Variants in LCK observed in about 807,000 individuals in gnomAD.
The protein encoded by LCK is LCK proto-oncogene, Src family tyrosine kinase.
Under a neutral mutation model 64.6 loss-of-function variants are expected in LCK, and 14 were observed. That is an observed-to-expected ratio of 0.22 (90% CI 0.14 to 0.34). LCK has a LOEUF of 0.34. Among genes scored for constraint, LCK ranks in the 10% least tolerant of loss-of-function variants. LCK has a pLI of 1.00. For synonymous variants in LCK, 277 were observed against 263.6 expected (o/e 1.05, Z -0.49); for missense variants, 434 against 668.1 (o/e 0.65, Z 3.86).
chr1:32,269,913 G>T (rs1640031546), intron 1 of LCK, among the ~76,000 whole-genome samples: 1 of 152,184 alleles, frequency 6.6e-6, no homozygotes, highest in South Asian at 2.1e-4. Flanking sequence ...AGAAATGGAT[G>T]AAGAGCCCCA....
At chr1:32,263,157 G>T (rs951394954) in intron 1 of LCK, among the ~76,000 whole-genome samples, 4 of 151,670 alleles carry the variant, frequency 2.6e-5, no homozygotes, top group African/African-American at 9.7e-5. Context: ...TTTGGGAAGC[G>T]GAGGTGGGCA....
chr1:32,275,520 G>A lies in LCK; in HGVS notation c.378-49G>A. Reference sequence around the variant, plus strand: ...CGGTGAAGGCTTGAGGGCCACGGAGGAAGATCCGACGACAGCCGACGGCCT... The same window carrying A: ...CGGTGAAGGCTTGAGGGCCACGGAGAAAGATCCGACGACAGCCGACGGCCT... On this transcript the variant is annotated intron_variant, in intron 5 of 12. Coordinates refer to ENST00000336890, the MANE Select transcript of LCK (RefSeq NM_005356.5). The surrounding 1 kb of genome is among the most constrained non-coding windows in gnomAD (Gnocchi z 6.9). 1 of 1,554,994 alleles carries A rather than the reference G, an allele frequency of 6.4e-7. No individual in the cohort carries two copies. The highest frequency in any genetic ancestry group is 8.7e-7 in the Non-Finnish European group (1 of 1,143,020).
chr1:32,256,097 G>A (rs769461571), intron 1 of LCK, among the ~76,000 whole-genome samples: 13 of 151,644 alleles, frequency 8.6e-5, no homozygotes, highest in South Asian at 2.1e-4. Flanking sequence ...GCAACACCCC[G>A]TCTCTATTAA....
intron 1 of LCK, among the ~76,000 whole-genome samples, chr1:32,272,428 A>G (rs1038483863): frequency 2.6e-5 from 4 of 152,122 alleles, no homozygotes; most frequent in Admixed American, 6.6e-5. Flanking sequence ...ATCTCTACAA[A>G]AAAATAATCA....
Position 32,275,487 on chromosome 1 carries a change from T to C in LCK, c.377+68T>C. 6.3e-7 allele frequency: 1 copy of C among 1,577,592 alleles called. No homozygotes were observed. The highest frequency in any genetic ancestry group is 1.1e-5 in the South Asian group (1 of 88,750). The stretch of plus-strand genomic sequence containing the variant: ...GGGATCCTGGAGCAGGGAGTAGGCC[T>C]GGGGTGGCGGTGAAGGCTTGAGGGC... On this transcript the variant is annotated intron_variant, in intron 5 of 12. Coordinates refer to ENST00000336890, the MANE Select transcript of LCK (RefSeq NM_005356.5). The surrounding 1 kb of genome is among the most constrained non-coding windows in gnomAD (Gnocchi z 6.9).
At chr1:32,258,002 G>A (rs1449870252) in intron 1 of LCK, among the ~76,000 whole-genome samples, 1 of 151,724 alleles carries the variant, frequency 6.6e-6, no homozygotes, top group Non-Finnish European at 1.5e-5. Context: ...AAGGTATTAA[G>A]CCAGGTGTGG....
intron 12 of LCK, among the ~76,000 whole-genome samples, chr1:32,283,215 G>A (rs1460355782): frequency 1.3e-5 from 2 of 151,312 alleles, no homozygotes; most frequent in Non-Finnish European, 2.9e-5. Context: ...TTTGAACCTG[G>A]GAGGCGGAGG....
At chr1:32,266,458 C>T (rs1341896807) in intron 1 of LCK, among the ~76,000 whole-genome samples, 6 of 146,628 alleles carry the variant, frequency 4.1e-5, no homozygotes, top group South Asian at 2.2e-4. Context: ...GTCGTGATCA[C>T]GCCACTGCAC....
At chr1:32,253,376 CCCGGG>C (rs1639554293) in intron 1 of LCK, among the ~76,000 whole-genome samples, 1 of 152,140 alleles carries the variant, frequency 6.6e-6, no homozygotes, top group South Asian at 2.1e-4. Context: ...AAAAATGCCT[CCCGGG>C]TTCAAGTGAT....
In LCK at chr1:32,279,821, G is replaced by C; in HGVS notation, c.1042-20G>C. Reference sequence around the variant, plus strand: ...TGAAGACATCTGGCTCAGGACCGCTGATCTGTGTTTGGCCTGCAGATTGCA... The same window carrying C: ...TGAAGACATCTGGCTCAGGACCGCTCATCTGTGTTTGGCCTGCAGATTGCA... On this transcript the variant is annotated intron_variant, in intron 10 of 12. Transcript: ENST00000336890. 6.2e-7 allele frequency: 1 copy of C among 1,613,886 alleles called. No homozygotes were observed. The highest frequency in any genetic ancestry group is 8.5e-7 in the Non-Finnish European group (1 of 1,179,772).
intron 1 of LCK, among the ~76,000 whole-genome samples, chr1:32,266,727 T>C (rs1455509877): frequency 1.7e-4 from 2 of 11,982 alleles, no homozygotes; most frequent in Non-Finnish European, 2.7e-4. Flanking sequence ...CCCCTCCCCT[T>C]CCCCCTCCTC....
At chr1:32,273,170 G>A (rs955124239) in intron 1 of LCK, among the ~76,000 whole-genome samples, 5 of 121,600 alleles carry the variant, frequency 4.1e-5, no homozygotes, top group African/African-American at 1.5e-4. Context: ...TGTGTGGGGG[G>A]GCACTTGTGG....
intron 12 of LCK, among the ~76,000 whole-genome samples, chr1:32,280,829 C>A (rs1408963484): frequency 1.3e-5 from 2 of 152,198 alleles, no homozygotes; most frequent in Non-Finnish European, 2.9e-5. Context: ...AAGAGGCCTA[C>A]CTTTTATCAG....
At chr1:32,256,278 T>C (rs1278603863) in intron 1 of LCK, among the ~76,000 whole-genome samples, 6 of 151,802 alleles carry the variant, frequency 4.0e-5, no homozygotes, top group Non-Finnish European at 5.9e-5. Context: ...GCTGGGACTA[T>C]AGGCACATGC....
chr1:32,267,580 G>A lies in LCK; in HGVS notation c.-5-6745G>A, dbSNP rs140572336. On this transcript the variant is annotated intron_variant, in intron 1 of 12. Coordinates refer to ENST00000336890, the MANE Select transcript of LCK (RefSeq NM_005356.5). ...GTTCAAGACCAGCCAGACCAACATG[G>A]TGAAACCCTGTCTCTACTAAAAATA... 2.9e-3 allele frequency among the ~76,000 whole-genome samples: 447 copies of A among 152,184 alleles called. 4 individuals carry two copies. Among genetic ancestry groups the A allele is most frequent in the African/African-American group, 0.01 (420 of 41,534 alleles).
chr1:32,259,850 AT>A (rs1325683069), intron 1 of LCK, among the ~76,000 whole-genome samples: 8 of 151,572 alleles, frequency 5.3e-5, no homozygotes, highest in Non-Finnish European at 1.2e-4. Flanking sequence ...AAAGAAAGAA[AT>A]TATTTGCCAT....
At position 32,275,823 on chromosome 1, in the gene LCK, G is replaced by A; in HGVS notation, c.482-91G>A. 6.6e-7 allele frequency: 1 copy of A among 1,510,776 alleles called. No homozygotes were observed. Among genetic ancestry groups the A allele is most frequent in the Non-Finnish European group, 9.0e-7 (1 of 1,112,398 alleles). 93.6% of individuals were successfully genotyped at this position (1,510,776 alleles called of 1,614,324 possible). ...GGGGGCGCGGGATGACCCGGAGTTG[G>A]GGGTGCTGGGTGAGCCCAAGGTGGG... On this transcript the variant is annotated intron_variant, in intron 6 of 12. Transcript: ENST00000336890. This position sits in a 1 kb window ranked among gnomAD's most constrained non-coding sequence, Gnocchi z 6.9.
intron 12 of LCK, among the ~76,000 whole-genome samples, chr1:32,284,021 C>T (rs879599089): frequency 7.9e-5 from 12 of 151,896 alleles, no homozygotes; most frequent in Admixed American, 2.6e-4. Context: ...GCTGGAATTA[C>T]AGGTGTGTGC....
In LCK at chr1:32,275,390, G is replaced by A; in HGVS notation, c.348G>A (p.Val116=). ...GQEGFIPFNF[V]AKANSLEPEP... ...AAGGCTTCATCCCCTTCAATTTTGT[G>A]GCCAAAGCGAACAGCCTGGAGCCCG... Residue 116 remains valine, a synonymous_variant, in exon 5 of 13, where the codon GTG becomes GTA. Transcript: ENST00000336890. The surrounding 1 kb of genome is among the most constrained non-coding windows in gnomAD (Gnocchi z 6.9). The A allele has an allele frequency of 8.7e-6, 14 of 1,614,162 alleles. No individual in the cohort carries two copies. The highest frequency in any genetic ancestry group is 8.5e-6 in the Non-Finnish European group (10 of 1,180,024).
Sources: gnomAD v4.1 joint callset for allele counts (sites outside exome capture counted in the v4.1 genomes callset) on GRCh38, gnomAD v4.1.1 for gene constraint, Gnocchi (gnomAD v3.1) non-coding constraint, MANE v1.5 for transcripts, NCBI Gene and HGNC (gene_info 2026-07-23, HGNC 2026-07-21) for gene names.